LYRM4: variants seen among roughly 807,000 people sequenced by gnomAD.
The protein encoded by LYRM4 is LYR motif containing 4.
A neutral mutation model predicts 11.7 loss-of-function variants in LYRM4; 9 were observed. The observed-to-expected ratio is 0.77, with a 90% CI of 0.46 to 1.34. The LOEUF (loss-of-function observed/expected upper bound fraction) is 1.34. Ranked by LOEUF, LYRM4 falls within the 40% of genes most tolerant of loss-of-function variation. LYRM4 has a pLI of 0.00. For missense variants in LYRM4, 133 were observed against 112.5 expected (o/e 1.18, Z -0.82); for synonymous variants, 42 against 40.4 (o/e 1.04, Z -0.15).
the LYRM4 span, among the ~76,000 whole-genome samples, chr6:5,092,672 C>G: frequency 6.6e-6 from 1 of 151,988 alleles, no homozygotes; most frequent in Admixed American, 6.6e-5. Context: ...GAGCCGAGAT[C>G]GTGCCACTGC....
At chr6:5,112,615 TGATC>T (rs1762934495) in intron 2 of LYRM4, among the ~76,000 whole-genome samples, 2 of 152,196 alleles carry the variant, frequency 1.3e-5, no homozygotes, top group South Asian at 4.1e-4. Flanking sequence ...CTTTCAGATG[TGATC>T]AATGGCTGCA....
At chr6:5,179,212 A>G (rs940029878) in intron 2 of LYRM4, among the ~76,000 whole-genome samples, 5 of 152,186 alleles carry the variant, frequency 3.3e-5, no homozygotes, top group Admixed American at 3.3e-4. Context: ...CCTTTTCCAG[A>G]AGGACCTATT....
chr6:5,033,343 G>A, the LYRM4 span: 1 of 152,222 alleles, frequency 6.6e-6, no homozygotes, highest in Admixed American at 6.5e-5. Context: ...GGAAGTGGAG[G>A]AGCATGTCTA....
At chr6:5,246,984 G>A (rs1167557438) in intron 1 of LYRM4, among the ~76,000 whole-genome samples, 1 of 152,138 alleles carries the variant, frequency 6.6e-6, no homozygotes, top group Non-Finnish European at 1.5e-5. Flanking sequence ...ACTTTTATAC[G>A]TCAGAGCCTC....
At chr6:5,194,321 G>A (rs1166616097) in intron 2 of LYRM4, among the ~76,000 whole-genome samples, 1 of 152,048 alleles carries the variant, frequency 6.6e-6, no homozygotes, top group East Asian at 1.9e-4. Context: ...AAGAGCAGAG[G>A]GTGGCACTAG....
At position 5,231,104 on chromosome 6, in the gene LYRM4, G is replaced by A. The variant is rs566798064; in HGVS notation, c.87-14366C>T. On this transcript the variant is annotated intron_variant, in intron 1 of 2. Coordinates refer to ENST00000330636, the MANE Select transcript of LYRM4 (RefSeq NM_020408.6). ...ACAGTCTGGCCAATGTGGTGAAACC[G>A]TGTATCTACTAAAAATACAAAAATT... Among the ~76,000 whole-genome samples the A allele has an allele frequency of 3.9e-5, 6 of 152,186 alleles. No individual in the cohort carries two copies. In the East Asian group the frequency reaches 5.8e-4, roughly 15 times the overall value.
chr6:5,093,594 G>T, the LYRM4 span, among the ~76,000 whole-genome samples: 2 of 152,254 alleles, frequency 1.3e-5, no homozygotes, highest in Non-Finnish European at 2.9e-5. Context: ...GCTATAATTT[G>T]CCACTTTACA....
chr6:5,121,244 C>A (rs1763442404), intron 2 of LYRM4, among the ~76,000 whole-genome samples: 1 of 152,164 alleles, frequency 6.6e-6, no homozygotes. Context: ...TATCTTTGCA[C>A]CCTACAGTGT....
intron 2 of LYRM4, among the ~76,000 whole-genome samples, chr6:5,113,793 C>T (rs139100311): frequency 0.024 from 3,602 of 151,406 alleles, 145 homozygotes; most frequent in African/African-American, 0.082. Context: ...TCTTGAACTC[C>T]TGGGCTTAAG....
chr6:5,156,642 A>G (rs942266023), intron 2 of LYRM4, among the ~76,000 whole-genome samples: 14 of 152,106 alleles, frequency 9.2e-5, no homozygotes, highest in African/African-American at 3.1e-4. Context: ...CTCATGCTCT[A>G]GATGTCATTA....
rs1405911276 is a variant in LYRM4 at position 5,112,173 on chromosome 6, T to C, written c.208-2682A>G. 2.6e-5 allele frequency among the ~76,000 whole-genome samples: 4 copies of C among 152,186 alleles called. No individual in the cohort carries two copies. In the East Asian group the frequency reaches 5.8e-4, roughly 22 times the overall value. On this transcript the variant is annotated intron_variant, in intron 2 of 2. Transcript: ENST00000330636. ...GGCGGCACGCTCGCGAAGCCCGTGC[T>C]CCTCTTTGCAGCCACCTGGGCCATC...
chr6:5,036,384 C>G, the LYRM4 span, among the ~76,000 whole-genome samples: 3 of 152,042 alleles, frequency 2.0e-5, 1 homozygote, highest in South Asian at 6.2e-4. Flanking sequence ...GCTGCTGAGG[C>G]CTGAAAGGAA....
the LYRM4 span, among the ~76,000 whole-genome samples, chr6:5,049,904 G>A: frequency 1.6e-4 from 24 of 152,152 alleles, 1 homozygote; most frequent in African/African-American, 4.6e-4. Flanking sequence ...TCCTGACCTC[G>A]TGAGCTGCCT....
chr6:5,101,941 G>GA (rs1762510642), downstream of LYRM4, among the ~76,000 whole-genome samples: 1 of 113,980 alleles, frequency 8.8e-6, no homozygotes, highest in African/African-American at 3.0e-5. Context: ...GGCAAAACAC[G>GA]AAAACACTAC....
chr6:5,256,987 A>G (rs1359808962), intron 1 of LYRM4, among the ~76,000 whole-genome samples: 5 of 152,018 alleles, frequency 3.3e-5, no homozygotes, highest in African/African-American at 4.8e-5. Flanking sequence ...CAAATACAAC[A>G]TTCTTCTCTA....
intron 2 of LYRM4, among the ~76,000 whole-genome samples, chr6:5,202,268 A>C (rs1370454549): frequency 6.6e-6 from 1 of 152,226 alleles, no homozygotes; most frequent in Admixed American, 6.5e-5. Flanking sequence ...CCCACAGGTA[A>C]AGGTGAGTAA....
At chr6:5,188,946 G>C (rs1025585273) in intron 2 of LYRM4, among the ~76,000 whole-genome samples, 5 of 151,986 alleles carry the variant, frequency 3.3e-5, no homozygotes, top group African/African-American at 1.2e-4. Flanking sequence ...TTTTTGTAGA[G>C]ACAGGGGTTT....
At chr6:5,066,954 G>T in the LYRM4 span, 2 of 1,069,700 alleles carry the variant, frequency 1.9e-6, no homozygotes, top group Non-Finnish European at 2.6e-6. Flanking sequence ...CCTCAGCCGA[G>T]GAGGAAATCC....
chr6:5,190,997 A>G (rs1246350856), intron 2 of LYRM4, among the ~76,000 whole-genome samples: 4 of 152,334 alleles, frequency 2.6e-5, no homozygotes, highest in African/African-American at 9.6e-5. Flanking sequence ...CCTTAAGAGC[A>G]TAAGAGCATA....
Sources: allele counts gnomAD v4.1 joint callset (sites outside exome capture counted in the v4.1 genomes callset), GRCh38; gene constraint gnomAD v4.1.1; transcripts MANE v1.5; gene names NCBI Gene and HGNC (gene_info 2026-07-23, HGNC 2026-07-21).